Variants in WWOX observed in about 807,000 individuals in gnomAD.
WWOX encodes WW domain containing oxidoreductase, also known as WW domain-containing oxidoreductase.
Under a neutral mutation model 46.2 loss-of-function variants are expected in WWOX, and 69 were observed. The ratio of observed to expected loss-of-function variants is 1.49; its 90% CI spans 1.23 to 1.82. WWOX has a LOEUF of 1.82. WWOX is among the 40% of genes most tolerant of loss of function. The pLI, the probability that WWOX is intolerant of heterozygous loss-of-function variation, is 0.00. For missense variants in WWOX, 919 were observed against 542.6 expected (o/e 1.69, Z -6.89); for synonymous variants, 359 against 202.6 (o/e 1.77, Z -6.56).
chr16:79,206,693 G>A (rs1421799132), intron 8 of WWOX: 1 of 152,096 alleles, frequency 6.6e-6, no homozygotes, highest in African/African-American at 2.4e-5. Flanking sequence ...CCATCATTTT[G>A]GTGGAAGTTG....
intron 5 of WWOX, among the ~76,000 whole-genome samples, chr16:78,351,713 G>A (rs549076523): frequency 1.4e-4 from 22 of 152,294 alleles, no homozygotes; most frequent in African/African-American, 4.6e-4. Context: ...CTGGAATGCA[G>A]TGGCACGATG....
At chr16:78,456,237 C>G (rs1174583166) in intron 8 of WWOX, among the ~76,000 whole-genome samples, 3 of 152,114 alleles carry the variant, frequency 2.0e-5, no homozygotes, top group African/African-American at 7.2e-5. Flanking sequence ...AAGAGGGACA[C>G]ATTTTTAACA....
chr16:78,624,344 C>G (rs2046260481), intron 8 of WWOX, among the ~76,000 whole-genome samples: 1 of 152,060 alleles, frequency 6.6e-6, no homozygotes, highest in Non-Finnish European at 1.5e-5. Context: ...TAACCAAACC[C>G]TAAATAATTG....
At chr16:78,626,882 G>C (rs576312605) in intron 8 of WWOX, among the ~76,000 whole-genome samples, 6 of 151,894 alleles carry the variant, frequency 4.0e-5, no homozygotes, top group Admixed American at 1.3e-4. Context: ...TATTTATTTT[G>C]TTGCTTAAAT....
intron 8 of WWOX, among the ~76,000 whole-genome samples, chr16:78,476,858 C>T (rs944158139): frequency 9.3e-5 from 14 of 151,170 alleles, no homozygotes; most frequent in African/African-American, 3.2e-4. Context: ...TTTCTTTTTC[C>T]TTCCCTCCCT....
chr16:78,678,061 T>C lies in WWOX; in HGVS notation c.1056+245309T>C, dbSNP rs151096542. Reference sequence around the variant, plus strand: ...TTTTCTCCTTAGCAGACATCATTTCTCTGTTTAATCTGTCTACTTGCTAAT... The same window carrying C: ...TTTTCTCCTTAGCAGACATCATTTCCCTGTTTAATCTGTCTACTTGCTAAT... On this transcript the variant is annotated intron_variant, in intron 8 of 8. Coordinates refer to ENST00000566780, the MANE Select transcript of WWOX (RefSeq NM_016373.4). Among the ~76,000 whole-genome samples the C allele has an allele frequency of 5.1e-3, 783 of 152,338 alleles. 2 individuals are homozygous for C. Among genetic ancestry groups the C allele is most frequent in the African/African-American group, 0.018 (741 of 41,572 alleles).
intron 7 of WWOX, among the ~76,000 whole-genome samples, chr16:78,426,938 A>G (rs2083093592): frequency 6.6e-6 from 1 of 152,180 alleles, no homozygotes; most frequent in Non-Finnish European, 1.5e-5. Context: ...CTGTGATTAC[A>G]GGCGTGAGCC....
chr16:78,359,871 G>C (rs572200499), intron 5 of WWOX, among the ~76,000 whole-genome samples: 16 of 152,282 alleles, frequency 1.1e-4, no homozygotes, highest in Admixed American at 5.9e-4. Context: ...TTTTGACACA[G>C]CAAAAACATG....
rs528797292 is a variant in WWOX at position 78,983,192 on chromosome 16, G to C, written c.1057-228416G>C. On this transcript the variant is annotated intron_variant, in intron 8 of 8. Coordinates refer to ENST00000566780, the MANE Select transcript of WWOX (RefSeq NM_016373.4). ...ATTCCTTCATAGAATCAAAGAATCAGAAAGAGCTGAAACATAGACCACGGA... is the reference window on the plus strand; with the variant it reads ...ATTCCTTCATAGAATCAAAGAATCACAAAGAGCTGAAACATAGACCACGGA... Among the ~76,000 whole-genome samples the C allele has an allele frequency of 3.3e-5, 5 of 152,278 alleles. No individual in the cohort carries two copies. The South Asian group carries it at 8.3e-4, about 25-fold the overall frequency.
chr16:78,833,177 G>A (rs926223086), intron 8 of WWOX, among the ~76,000 whole-genome samples: 3 of 152,052 alleles, frequency 2.0e-5, no homozygotes, highest in African/African-American at 4.8e-5. Flanking sequence ...AAGTATCTGG[G>A]ACTACAAGCA....
chr16:79,033,598 C>G (rs1479466783), intron 8 of WWOX, among the ~76,000 whole-genome samples: 1 of 152,078 alleles, frequency 6.6e-6, no homozygotes, highest in African/African-American at 2.4e-5. Flanking sequence ...TTAAAGTGGA[C>G]AGTTGAGTGG....
At chr16:78,994,491 A>T (rs1455406567) in intron 8 of WWOX, 1 of 152,202 alleles carries the variant, frequency 6.6e-6, no homozygotes, top group Non-Finnish European at 1.5e-5. Flanking sequence ...TCCGGCACCG[A>T]GGTACTTATC....
At chr16:79,054,790 C>T (rs569724050) in intron 8 of WWOX, among the ~76,000 whole-genome samples, 61 of 152,300 alleles carry the variant, frequency 4.0e-4, no homozygotes, top group African/African-American at 1.3e-3. Flanking sequence ...CACACCACCG[C>T]ACTCCAGCCT....
intron 8 of WWOX, among the ~76,000 whole-genome samples, chr16:78,798,772 A>G (rs895569964): frequency 1.3e-5 from 2 of 152,202 alleles, no homozygotes; most frequent in East Asian, 3.9e-4. Context: ...TACTATTAAC[A>G]TAAAGTAATA....
At chr16:78,844,056 A>G (rs1337014865) in intron 8 of WWOX, among the ~76,000 whole-genome samples, 2 of 152,308 alleles carry the variant, frequency 1.3e-5, no homozygotes, top group East Asian at 3.9e-4. Context: ...CATTTTTATA[A>G]ATAAGCTGGT....
chr16:79,076,294 A>G (rs561455678), intron 8 of WWOX, among the ~76,000 whole-genome samples: 7 of 152,292 alleles, frequency 4.6e-5, no homozygotes, highest in African/African-American at 1.7e-4. Flanking sequence ...ACTTTTTCCT[A>G]GTATCTGGAT....
chr16:79,155,867 A>G (rs563965129), intron 8 of WWOX, among the ~76,000 whole-genome samples: 2 of 151,806 alleles, frequency 1.3e-5, no homozygotes, highest in South Asian at 4.2e-4. Flanking sequence ...TATAAGAAGG[A>G]GAAAGGGAGG....
chr16:78,511,054 C>T (rs964821835), intron 8 of WWOX, among the ~76,000 whole-genome samples: 3 of 152,238 alleles, frequency 2.0e-5, no homozygotes, highest in South Asian at 2.1e-4. Flanking sequence ...CTGGTTCATA[C>T]TGCGTGTTTA....
At chr16:79,133,348 C>T (rs1463392441) in intron 8 of WWOX, among the ~76,000 whole-genome samples, 1 of 152,160 alleles carries the variant, frequency 6.6e-6, no homozygotes, top group Non-Finnish European at 1.5e-5. Flanking sequence ...TCCCCCTCAA[C>T]ATTAACGGGG....
Sources: allele counts gnomAD v4.1 joint callset (sites outside exome capture counted in the v4.1 genomes callset), GRCh38; gene constraint gnomAD v4.1.1; transcripts MANE v1.5; gene names NCBI Gene and HGNC (gene_info 2026-07-23, HGNC 2026-07-21).